The following TRPM7 variants were observed in gnomAD, a reference collection of about 807,000 sequenced individuals.
TRPM7 encodes the protein transient receptor potential cation channel subfamily M member 7, also known as LTRPC ion channel family member 7.
Under a neutral mutation model 229.7 loss-of-function variants are expected in TRPM7, and 134 were observed. The observed-to-expected ratio is 0.58, with a 90% CI of 0.51 to 0.67. The LOEUF (loss-of-function observed/expected upper bound fraction) is 0.67. Among genes scored for constraint, TRPM7 ranks in the 30% least tolerant of loss-of-function variants. The probability of loss-of-function intolerance (pLI) is 0.00; values close to 1 mark genes in which losing one functional copy is unlikely to be tolerated. For synonymous variants in TRPM7, 699 were observed against 715.2 expected (o/e 0.98, Z 0.36); for missense variants, 1,901 against 2,210.0 (o/e 0.86, Z 2.80).
chr15:50,599,234 G>C lies in TRPM7; in HGVS notation c.3051C>G (p.Pro1017=). ...CATGAGGATAAAGTATTGCCTTTCTGGGAACACCAAAACTAAGTAATACAA... is the reference window on the plus strand; with the variant it reads ...CATGAGGATAAAGTATTGCCTTTCTCGGAACACCAAAACTAAGTAATACAA... The part of the protein sequence containing the change: ...MALVLLSFGV[P]RKAILYPHEA... Residue 1017 remains proline, a synonymous_variant, in exon 22 of 39, where the codon CCC becomes CCG. Transcript: ENST00000646667. 6.2e-7 allele frequency: 1 copy of C among 1,612,984 alleles called. No individual in the cohort carries two copies. Among genetic ancestry groups the C allele is most frequent in the African/African-American group, 1.3e-5 (1 of 74,916 alleles).
intron 10 of TRPM7, among the ~76,000 whole-genome samples, chr15:50,629,248 C>T (rs1377993573): frequency 7.3e-6 from 1 of 136,732 alleles, no homozygotes; most frequent in African/African-American, 3.0e-5. Context: ...ACCATTTCTC[C>T]ATGTGCCATG....
chr15:50,664,665 A>G (rs2140930364), intron 1 of TRPM7, among the ~76,000 whole-genome samples: 1 of 152,300 alleles, frequency 6.6e-6, no homozygotes, highest in Middle Eastern at 3.4e-3. Context: ...AAAGTCAATC[A>G]AACAAAACCT....
Position 50,613,786 on chromosome 15 carries a change from G to C in TRPM7, c.1691C>G (p.Ser564Cys). 6.2e-7 allele frequency: 1 copy of C among 1,613,946 alleles called. No individual in the cohort carries two copies. ...CTTTTTATCTGCCCTATTGCCAAAA[G>C]ATTCATGACTCTTTCGCAACTGAGG... ...STPQLRKSHE[S>C]FGNRADKKEK... The change falls in exon 15 of 39, where the codon TCT (serine) becomes TGT (cysteine). Residue 564 changes from serine to cysteine, a missense_variant. By Grantham distance (112) the Ser-to-Cys change is moderately radical (BLOSUM62 -1). Around this residue, in one of 8 missense-constraint regions of TRPM7, gnomAD observed 794 missense variants for 881.9 expected, o/e 0.90. Transcript: ENST00000646667.
chr15:50,592,511 T>C lies in TRPM7; in HGVS notation c.3724A>G (p.Thr1242Ala). Residue 1242 changes from threonine to alanine, a missense_variant, in exon 26 of 39, where the codon ACG (threonine) becomes GCG (alanine). Thr to Ala is a moderately conservative substitution (Grantham distance 58). Coordinates refer to ENST00000646667, the MANE Select transcript of TRPM7 (RefSeq NM_017672.6). Reference protein sequence around the residue: ...IGHLQDLSALTVDTLKTLTAQ... With the variant: ...IGHLQDLSALAVDTLKTLTAQ... ...GTGAGTGTTTTTAATGTATCTACCG[T>C]CAGGGCTGAAAGATCTTGCAAATGG... 2 of 1,614,026 alleles carry C rather than the reference T, an allele frequency of 1.2e-6. No individual in the cohort carries two copies. The highest frequency in any genetic ancestry group is 1.7e-6 in the Non-Finnish European group (2 of 1,180,026).
At chr15:50,647,770 T>C (rs1043121717) in intron 4 of TRPM7, among the ~76,000 whole-genome samples, 2 of 151,908 alleles carry the variant, frequency 1.3e-5, no homozygotes, top group South Asian at 2.1e-4. Flanking sequence ...AAAGAACATA[T>C]AGTAGGCCTT....
rs752208564 is a variant in TRPM7 at position 50,639,498 on chromosome 15, A to G, written c.586T>C (p.Ser196Pro). The change falls in exon 6 of 39, where the codon TCT (serine) becomes CCT (proline). Residue 196 changes from serine to proline, a missense_variant. Transcript: ENST00000646667. ...ATTCCGATAGTGCAAATCTTTCGAGATGATCTGGAAGCATGTTCTTTGAGG... is the reference window on the plus strand; with the variant it reads ...ATTCCGATAGTGCAAATCTTTCGAGGTGATCTGGAAGCATGTTCTTTGAGG... ...DALKEHASRS[S>P]RKICTIGIAP... 8.7e-6 allele frequency: 14 copies of G among 1,611,982 alleles called. No individual in the cohort carries two copies. Among genetic ancestry groups the G allele is most frequent in the Non-Finnish European group, 1.2e-5 (14 of 1,178,674 alleles).
intron 8 of TRPM7, among the ~76,000 whole-genome samples, chr15:50,633,254 C>T (rs2060791472): frequency 6.6e-6 from 1 of 152,126 alleles, no homozygotes; most frequent in Non-Finnish European, 1.5e-5. Flanking sequence ...TCAGTACTTA[C>T]ATAAGATATT....
At chr15:50,611,894 C>A (rs1051245025) in intron 16 of TRPM7, among the ~76,000 whole-genome samples, 5 of 152,208 alleles carry the variant, frequency 3.3e-5, no homozygotes, top group African/African-American at 1.2e-4. Context: ...CACTGCCCCT[C>A]TAAGTAAATT....
At chr15:50,684,155 C>T (rs890441832) in intron 1 of TRPM7, among the ~76,000 whole-genome samples, 1 of 149,838 alleles carries the variant, frequency 6.7e-6, no homozygotes, top group Non-Finnish European at 1.5e-5. Context: ...CTGATTAAGT[C>T]GTTTTTTTTT....
At chr15:50,678,515 A>AT (rs1555435936) in intron 1 of TRPM7, among the ~76,000 whole-genome samples, 4 of 82,782 alleles carry the variant, frequency 4.8e-5, no homozygotes, top group African/African-American at 1.6e-4. Flanking sequence ...TTAAAAAAAA[A>AT]AAATATATAT....
chr15:50,669,425 ACT>A (rs1006071400), intron 1 of TRPM7, among the ~76,000 whole-genome samples: 33 of 151,840 alleles, frequency 2.2e-4, no homozygotes, highest in African/African-American at 7.7e-4. Flanking sequence ...ACAGAGTGAG[ACT>A]CTGTCTCAAA....
chr15:50,630,271 A>G (rs1163799639), intron 10 of TRPM7, among the ~76,000 whole-genome samples: 1 of 146,566 alleles, frequency 6.8e-6, no homozygotes, highest in East Asian at 2.0e-4. Flanking sequence ...TGATATAAAT[A>G]TATTTTATCA....
rs138692177 is a variant in TRPM7 at position 50,589,703 on chromosome 15, T to C, written c.4325-47A>G. 1,202 of 1,321,160 alleles carry C rather than the reference T, an allele frequency of 9.1e-4. 12 individuals are homozygous for C. In the African/African-American group the frequency reaches 0.016, roughly 17 times the overall value. The allele number at this position is 1,321,160 out of a possible 1,614,324, so 81.8% of individuals were successfully genotyped here. On this transcript the variant is annotated intron_variant, in intron 26 of 38. Coordinates refer to ENST00000646667, the MANE Select transcript of TRPM7 (RefSeq NM_017672.6). ...TGCAATGAGAAATTTTTATTTTTCT[T>C]CACCGAAATAATGGCACTGCTTAAA... is the stretch of plus-strand genomic sequence containing the variant.
chr15:50,654,510 A>G, intron 3 of TRPM7, among the ~76,000 whole-genome samples: 1 of 151,456 alleles, frequency 6.6e-6, no homozygotes, highest in Admixed American at 6.6e-5. Flanking sequence ...CACCAGAAAC[A>G]GACCCTAAAT....
chr15:50,649,812 G>C (rs1206016090), intron 3 of TRPM7, among the ~76,000 whole-genome samples: 3 of 152,126 alleles, frequency 2.0e-5, no homozygotes, highest in Admixed American at 2.0e-4. Flanking sequence ...AAGGCAGCTA[G>C]AGTTTGTGAG....
chr15:50,613,501 CAAAA>C (rs67505794), intron 15 of TRPM7, among the ~76,000 whole-genome samples: 85 of 62,812 alleles, frequency 1.4e-3, no homozygotes, highest in African/African-American at 5.2e-3. Context: ...ACTCCTGTCT[CAAAA>C]AAAAAAAAAA....
Position 50,614,200 on chromosome 15 carries a change from T to C in TRPM7, c.1558A>G (p.Met520Val), listed in dbSNP as rs764263444. The stretch of plus-strand genomic sequence containing the variant: ...TAGGTGCATCTGTAGGTTCCTCCCA[T>C]GAGATATTCAATAACAAGTCCTATA... ...IDIGLVIEYLMGGTYRCTYTR... is the reference protein window; with the variant it reads ...IDIGLVIEYLVGGTYRCTYTR... Residue 520 changes from methionine to valine, a missense_variant, in exon 14 of 39, where the codon ATG becomes GTG. Transcript: ENST00000646667. 4.4e-6 allele frequency: 7 copies of C among 1,606,366 alleles called. No homozygotes were observed. Among genetic ancestry groups the C allele is most frequent in the Non-Finnish European group, 8.5e-7 (1 of 1,173,172 alleles).
intron 27 of TRPM7, chr15:50,588,118 T>C: frequency 1.8e-6 from 1 of 550,428 alleles, no homozygotes; most frequent in Non-Finnish European, 2.3e-6. Flanking sequence ...TACACCTATT[T>C]CCTCCATCTA....
chr15:50,680,805 G>T (rs1463495878), intron 1 of TRPM7, among the ~76,000 whole-genome samples: 1 of 152,060 alleles, frequency 6.6e-6, no homozygotes, highest in African/African-American at 2.4e-5. Flanking sequence ...AATATCAAAA[G>T]CCTTCTCCAA....
Sources: gnomAD v4.1 joint callset for allele counts (sites outside exome capture counted in the v4.1 genomes callset) on GRCh38, gnomAD v4.1.1 for gene constraint, gnomAD v4.1.1 regional missense constraint, MANE v1.5 for transcripts, NCBI Gene and HGNC (gene_info 2026-07-23, HGNC 2026-07-21) for gene names.